Variants in RPS6KC1 observed in about 807,000 individuals in gnomAD.
RPS6KC1 encodes the protein ribosomal protein S6 kinase C1, also known as inactive ribosomal protein S6 kinase delta-1.
A neutral mutation model predicts 103.8 loss-of-function variants in RPS6KC1; 54 were observed. The observed-to-expected ratio is 0.52, with a 90% CI of 0.42 to 0.65. The LOEUF is 0.65. Ranked by LOEUF, RPS6KC1 falls within the 30% of genes least tolerant of loss-of-function variation. The pLI is 0.00. For synonymous variants in RPS6KC1, 439 were observed against 438.7 expected, an observed-to-expected ratio of 1.00 and a Z score of -0.01; for missense variants, 1,151 against 1,253.8, an observed-to-expected ratio of 0.92 and a Z score of 1.24.
chr1:213,593,642 C>A, the RPS6KC1 span, among the ~76,000 whole-genome samples: 3 of 151,998 alleles, frequency 2.0e-5, no homozygotes, highest in Non-Finnish European at 4.4e-5. Flanking sequence ...TGGAAGGGAC[C>A]TGAAAGAGGA....
the RPS6KC1 span, among the ~76,000 whole-genome samples, chr1:213,630,780 G>C: frequency 6.6e-6 from 1 of 151,032 alleles, no homozygotes; most frequent in Admixed American, 6.6e-5. Flanking sequence ...CTGTTTGTTA[G>C]TTTTCCTTCT....
chr1:213,192,343 T>G (rs73091600), intron 8 of RPS6KC1, among the ~76,000 whole-genome samples: 266 of 152,280 alleles, frequency 1.7e-3, no homozygotes, highest in African/African-American at 6.0e-3. Flanking sequence ...TGTTCTATGG[T>G]TTTCTTTTTT....
chr1:213,813,809 G>C, the RPS6KC1 span, among the ~76,000 whole-genome samples: 7 of 152,158 alleles, frequency 4.6e-5, no homozygotes, highest in Admixed American at 2.6e-4. Context: ...CAGCAAGCTC[G>C]TCTCTGGGAG....
At chr1:213,351,426 T>C in the RPS6KC1 span, among the ~76,000 whole-genome samples, 1 of 152,222 alleles carries the variant, frequency 6.6e-6, no homozygotes, top group Non-Finnish European at 1.5e-5. Flanking sequence ...TTGGAGCCAA[T>C]GCAAAGAAGG....
chr1:213,858,730 C>A, the RPS6KC1 span, among the ~76,000 whole-genome samples: 1 of 152,194 alleles, frequency 6.6e-6, no homozygotes, highest in Non-Finnish European at 1.5e-5. Context: ...GCACACTCCA[C>A]ATTCCTCCTG....
chr1:213,589,940 T>G, the RPS6KC1 span, among the ~76,000 whole-genome samples: 4,648 of 58,188 alleles, frequency 0.08, 105 homozygotes, highest in South Asian at 0.12. Context: ...AAGGTAGTGG[T>G]GTGTGTGTGT....
chr1:213,205,761 A>G (rs1359809595), intron 8 of RPS6KC1, among the ~76,000 whole-genome samples: 2 of 151,628 alleles, frequency 1.3e-5, no homozygotes, highest in African/African-American at 2.4e-5. Context: ...CTGTATCCCT[A>G]TCAGTTAAAT....
intron 1 of RPS6KC1, among the ~76,000 whole-genome samples, chr1:213,051,948 GAC>G (rs1260194633): frequency 6.6e-6 from 1 of 152,194 alleles, no homozygotes; most frequent in Non-Finnish European, 1.5e-5. Context: ...CTGTGAGAAA[GAC>G]AGATTCTTGG....
chr1:213,720,243 C>G, the RPS6KC1 span, among the ~76,000 whole-genome samples: 1 of 152,172 alleles, frequency 6.6e-6, no homozygotes, highest in African/African-American at 2.4e-5. Flanking sequence ...TGAGCCAAAT[C>G]CAGTCAATTA....
chr1:213,376,084 CTGTGTGTGTGTGTGTG>C, the RPS6KC1 span, among the ~76,000 whole-genome samples: 107 of 140,336 alleles, frequency 7.6e-4, no homozygotes, highest in East Asian at 1.1e-3. Context: ...CTCGTGACAA[CTGTGTGTGTGTGTGTG>C]TGTGTGTGTG....
At chr1:213,456,449 A>T in the RPS6KC1 span, among the ~76,000 whole-genome samples, 1 of 152,006 alleles carries the variant, frequency 6.6e-6, no homozygotes, top group Non-Finnish European at 1.5e-5. Flanking sequence ...TTTGATTCTG[A>T]TGTCTGTCCT....
chr1:213,166,909 T>G (rs1437059984), intron 6 of RPS6KC1, among the ~76,000 whole-genome samples: 1 of 152,232 alleles, frequency 6.6e-6, no homozygotes, highest in Non-Finnish European at 1.5e-5. Context: ...TGGGATTTCT[T>G]TCTATTTTTT....
chr1:213,359,777 G>T, the RPS6KC1 span, among the ~76,000 whole-genome samples: 2 of 152,168 alleles, frequency 1.3e-5, no homozygotes, highest in Non-Finnish European at 2.9e-5. Context: ...CTCAGCATTT[G>T]CTTGTCTTTA....
At chr1:213,852,481 T>G in the RPS6KC1 span, among the ~76,000 whole-genome samples, 1 of 152,222 alleles carries the variant, frequency 6.6e-6, no homozygotes, top group East Asian at 1.9e-4. Flanking sequence ...ATCTCAAAAA[T>G]AACCTACTAC....
At chr1:213,759,008 C>G in the RPS6KC1 span, among the ~76,000 whole-genome samples, 1 of 152,196 alleles carries the variant, frequency 6.6e-6, no homozygotes, top group African/African-American at 2.4e-5. Context: ...GCATAAAATG[C>G]TATCAAACAG....
chr1:213,138,479 G>A (rs2086637024), intron 6 of RPS6KC1, among the ~76,000 whole-genome samples: 1 of 152,084 alleles, frequency 6.6e-6, no homozygotes, highest in African/African-American at 2.4e-5. Flanking sequence ...GTAATATTTG[G>A]TAGGTAGTTT....
the RPS6KC1 span, among the ~76,000 whole-genome samples, chr1:213,358,117 A>G: frequency 3.4e-4 from 51 of 151,734 alleles, no homozygotes; most frequent in African/African-American, 1.1e-3. Flanking sequence ...TGTCTCTGCC[A>G]GGCTTTGGTA....
At chr1:213,208,085 C>G (rs1044409994) in intron 8 of RPS6KC1, among the ~76,000 whole-genome samples, 2 of 152,166 alleles carry the variant, frequency 1.3e-5, no homozygotes, top group Non-Finnish European at 2.9e-5. Context: ...TTGTATGTTA[C>G]TTTTTCCCCC....
the RPS6KC1 span, among the ~76,000 whole-genome samples, chr1:213,711,640 T>C: frequency 6.6e-6 from 1 of 152,328 alleles, no homozygotes; most frequent in East Asian, 1.9e-4. Context: ...TTCCTCATCT[T>C]CATGGATTTA....
Sources: allele counts gnomAD v4.1 joint callset (sites outside exome capture counted in the v4.1 genomes callset), GRCh38; gene constraint gnomAD v4.1.1; transcripts MANE v1.5; gene names NCBI Gene and HGNC (gene_info 2026-07-23, HGNC 2026-07-21).